Variants in PIK3CB observed in about 807,000 individuals in gnomAD.
The protein encoded by PIK3CB is phosphatidylinositol 4,5-bisphosphate 3-kinase catalytic subunit beta isoform.
In PIK3CB, 39 loss-of-function variants were observed where a neutral mutation model predicts 136.8. The observed-to-expected ratio is 0.29, with a 90% CI of 0.22 to 0.37. PIK3CB has a LOEUF of 0.37. Ranked by LOEUF, PIK3CB falls within the 10% of genes least tolerant of loss-of-function variation. The pLI, the probability that PIK3CB is intolerant of heterozygous loss-of-function variation, is 1.00. For missense variants in PIK3CB, 868 were observed against 1,275.4 expected (o/e 0.68, Z 4.87); for synonymous variants, 428 against 436.6 (o/e 0.98, Z 0.25).
At chr3:138,776,549 A>C (rs1232877901) in intron 2 of PIK3CB, among the ~76,000 whole-genome samples, 1 of 151,990 alleles carries the variant, frequency 6.6e-6, no homozygotes, top group Non-Finnish European at 1.5e-5. Context: ...AAATACAAAA[A>C]TTAGCTGGGC....
At chr3:138,687,510 G>C (rs547257773) in intron 16 of PIK3CB, among the ~76,000 whole-genome samples, 2 of 152,282 alleles carry the variant, frequency 1.3e-5, no homozygotes, top group East Asian at 3.9e-4. Flanking sequence ...TGTTGCCCAG[G>C]CTAGGGTGTA....
In PIK3CB at chr3:138,759,107, T is replaced by C. The variant is rs57704321; in HGVS notation, c.171+66A>G. 1.0e-3 allele frequency: 979 copies of C among 959,518 alleles called. 8 individuals carry two copies. In the African/African-American group the frequency reaches 0.013, roughly 13 times the overall value. 59.4% of individuals were successfully genotyped at this position (959,518 alleles called of 1,614,324 possible). A position where few individuals can be genotyped will look rare whatever the true frequency, so the allele number is the denominator to read the frequency against. On this transcript the variant is annotated intron_variant, in intron 3 of 23. Coordinates refer to ENST00000674063, the MANE Select transcript of PIK3CB (RefSeq NM_006219.3). ...TAATTTACATTAACATTTTCTATTA[T>C]AGAATGATATTTCCCCCAAGTGACA...
chr3:138,737,247 G>A (rs1376979585), intron 6 of PIK3CB, among the ~76,000 whole-genome samples: 3 of 151,594 alleles, frequency 2.0e-5, no homozygotes, highest in Non-Finnish European at 4.4e-5. Flanking sequence ...ACAAAAAGAA[G>A]CTGGGCATGG....
intron 14 of PIK3CB, 65 bp downstream of exon 14, chr3:138,694,721 A>C: frequency 2.0e-6 from 3 of 1,500,524 alleles, no homozygotes; most frequent in Non-Finnish European, 2.7e-6. Flanking sequence ...CATCAAGGAG[A>C]CACCCTCATC....
intron 2 of PIK3CB, among the ~76,000 whole-genome samples, chr3:138,784,439 G>A (rs1015706902): frequency 2.6e-5 from 4 of 151,458 alleles, no homozygotes; most frequent in Admixed American, 2.0e-4. Context: ...TCTCGTCTCC[G>A]TCTCCGTCTC....
chr3:138,810,251 C>G (rs1932951636), intron 1 of PIK3CB, among the ~76,000 whole-genome samples: 1 of 152,122 alleles, frequency 6.6e-6, no homozygotes, highest in African/African-American at 2.4e-5. Context: ...ATTCCAAATA[C>G]TTTGTGTAGA....
intron 2 of PIK3CB, among the ~76,000 whole-genome samples, chr3:138,784,995 C>T (rs898253319): frequency 2.0e-5 from 3 of 151,946 alleles, no homozygotes; most frequent in Non-Finnish European, 2.9e-5. Context: ...CCCCTCCACC[C>T]GGCAGCCGCC....
chr3:138,672,398 T>A (rs1012194789), intron 19 of PIK3CB, among the ~76,000 whole-genome samples: 6 of 152,210 alleles, frequency 3.9e-5, no homozygotes, highest in African/African-American at 1.4e-4. Context: ...ACTGGCTGAT[T>A]GTGTGTACAG....
At chr3:138,752,280 G>A (rs967974303) in intron 4 of PIK3CB, among the ~76,000 whole-genome samples, 4 of 152,116 alleles carry the variant, frequency 2.6e-5, no homozygotes, top group Non-Finnish European at 5.9e-5. Context: ...GCCTAGTCAG[G>A]GCAATTACGT....
At chr3:138,676,197 C>A (rs1322923134) in intron 19 of PIK3CB, among the ~76,000 whole-genome samples, 1 of 151,968 alleles carries the variant, frequency 6.6e-6, no homozygotes, top group Admixed American at 6.6e-5. Context: ...TAGAAATAAC[C>A]AACAAGCACA....
chr3:138,778,494 A>G, intron 2 of PIK3CB: 1 of 241,632 alleles, frequency 4.1e-6, no homozygotes, highest in Non-Finnish European at 8.3e-6. Flanking sequence ...CTGAGCAGGG[A>G]GCTCACTGGC....
intron 4 of PIK3CB, among the ~76,000 whole-genome samples, chr3:138,754,530 GCTTT>G (rs1317886190): frequency 6.6e-6 from 1 of 152,036 alleles, no homozygotes; most frequent in Non-Finnish European, 1.5e-5. Flanking sequence ...TTCTAATAAT[GCTTT>G]CTAATTATAT....
At chr3:138,784,529 G>A (rs925313628) in intron 2 of PIK3CB, among the ~76,000 whole-genome samples, 2 of 151,996 alleles carry the variant, frequency 1.3e-5, no homozygotes, top group Non-Finnish European at 2.9e-5. Flanking sequence ...CAACCTCCCT[G>A]CCTGATTCTC....
intron 2 of PIK3CB, among the ~76,000 whole-genome samples, chr3:138,762,494 AC>A (rs1336001489): frequency 6.6e-6 from 1 of 152,202 alleles, no homozygotes; most frequent in Non-Finnish European, 1.5e-5. Flanking sequence ...ATAAACACGA[AC>A]AAAACTACAC....
intron 2 of PIK3CB, among the ~76,000 whole-genome samples, chr3:138,788,364 A>C (rs1379935230): frequency 4.6e-5 from 7 of 152,092 alleles, no homozygotes; most frequent in African/African-American, 1.7e-4. Context: ...AAAAACCACA[A>C]CTATACTACT....
chr3:138,736,690 T>A (rs571821473), intron 6 of PIK3CB, among the ~76,000 whole-genome samples: 2 of 152,254 alleles, frequency 1.3e-5, no homozygotes, highest in African/African-American at 4.8e-5. Context: ...CCAAAAATAA[T>A]CTGGGGCAAT....
In PIK3CB at chr3:138,776,151, T is replaced by C. The variant is rs139525099; in HGVS notation, c.-16-16792A>G. Among the ~76,000 whole-genome samples the C allele has an allele frequency of 7.1e-3, 1,079 of 151,920 alleles. 7 individuals carry two copies. The highest frequency in any genetic ancestry group is 0.024 in the African/African-American group (1,005 of 41,418). ...AGGCAAAGGTTGCACTGAGTGGAGA[T>C]TGCACCATTGCACTCCAGCCTGGGC... On this transcript the variant is annotated intron_variant, in intron 2 of 23. Coordinates refer to ENST00000674063, the MANE Select transcript of PIK3CB (RefSeq NM_006219.3).
intron 8 of PIK3CB, 85 bp from the exon 9 acceptor site, chr3:138,714,804 T>C (rs2044575505): frequency 8.1e-7 from 1 of 1,232,276 alleles, no homozygotes; most frequent in East Asian, 2.4e-5. Flanking sequence ...TGTTTGTTTC[T>C]ACACTAAAAA....
intron 1 of PIK3CB, among the ~76,000 whole-genome samples, chr3:138,799,149 A>AAATCT (rs984666613): frequency 3.3e-5 from 5 of 151,454 alleles, no homozygotes; most frequent in African/African-American, 1.2e-4. Flanking sequence ...AACACCCTCC[A>AAATCT]AATCTGTCTC....
Sources: gnomAD v4.1 joint callset for allele counts (sites outside exome capture counted in the v4.1 genomes callset) on GRCh38, gnomAD v4.1.1 for gene constraint, MANE v1.5 for transcripts, NCBI Gene and HGNC (gene_info 2026-07-23, HGNC 2026-07-21) for gene names.